DOCK2: variants seen among roughly 807,000 people sequenced by gnomAD.
DOCK2 encodes the protein dedicator of cytokinesis protein 2.
A neutral mutation model predicts 248.9 loss-of-function variants in DOCK2; 87 were observed. The observed-to-expected ratio is 0.35, with a 90% CI of 0.29 to 0.42. The LOEUF (loss-of-function observed/expected upper bound fraction) is 0.42. Ranked by LOEUF, DOCK2 falls within the 10% of genes least tolerant of loss-of-function variation. The pLI, the probability that DOCK2 is intolerant of heterozygous loss-of-function variation, is 1.00. For missense variants in DOCK2, 1,747 were observed against 2,300.2 expected (o/e 0.76, Z 4.92); for synonymous variants, 805 against 821.6 (o/e 0.98, Z 0.35).
chr5:169,821,587 G>A (rs1327050290), intron 26 of DOCK2, among the ~76,000 whole-genome samples: 1 of 152,084 alleles, frequency 6.6e-6, no homozygotes, highest in Admixed American at 6.6e-5. Context: ...TTTTGTCACT[G>A]CCAGGCCTGC....
At chr5:169,808,649 CT>C (rs1394339008) in intron 26 of DOCK2, among the ~76,000 whole-genome samples, 1 of 152,168 alleles carries the variant, frequency 6.6e-6, no homozygotes, top group East Asian at 1.9e-4. Flanking sequence ...CGGTTTCACA[CT>C]GCTTCGTTCT....
chr5:169,690,579 G>A (rs575023979), intron 9 of DOCK2, among the ~76,000 whole-genome samples: 1 of 152,326 alleles, frequency 6.6e-6, no homozygotes, highest in East Asian at 1.9e-4. Context: ...GGCATATATA[G>A]ATGTGCCTCC....
intron 21 of DOCK2, among the ~76,000 whole-genome samples, chr5:169,718,395 A>T (rs1762016385): frequency 1.3e-5 from 2 of 152,166 alleles, no homozygotes. Context: ...TTGTAGCCTG[A>T]TTGTGACTAG....
At chr5:169,755,497 C>A (rs879255835) in intron 23 of DOCK2, among the ~76,000 whole-genome samples, 3 of 152,102 alleles carry the variant, frequency 2.0e-5, no homozygotes, top group Non-Finnish European at 2.9e-5. Context: ...AATCCCAGCA[C>A]TTTGGGAGGC....
At chr5:170,006,657 G>A (rs186556805) in intron 30 of DOCK2, among the ~76,000 whole-genome samples, 1 of 152,298 alleles carries the variant, frequency 6.6e-6, no homozygotes, top group East Asian at 1.9e-4. Context: ...TGGGCCCTGG[G>A]TGATAAAGGT....
intron 27 of DOCK2, among the ~76,000 whole-genome samples, chr5:169,927,911 C>A (rs905644339): frequency 1.2e-4 from 19 of 152,156 alleles, no homozygotes; most frequent in Non-Finnish European, 2.5e-4. Flanking sequence ...ACACTGCTCC[C>A]GGCCCGAAAA....
At chr5:170,044,503 T>C (rs1756629841) in intron 38 of DOCK2, among the ~76,000 whole-genome samples, 1 of 152,130 alleles carries the variant, frequency 6.6e-6, no homozygotes. Context: ...GGAGAGCGTT[T>C]CTTTTCCCTG....
intron 27 of DOCK2, among the ~76,000 whole-genome samples, chr5:169,947,870 G>T (rs1048309316): frequency 6.6e-6 from 1 of 152,100 alleles, no homozygotes; most frequent in Admixed American, 6.5e-5. Context: ...TGCCTGCTGG[G>T]TGAGCATGAG....
chr5:170,017,332 GAGA>G (rs1755569366), intron 32 of DOCK2, among the ~76,000 whole-genome samples: 1 of 152,058 alleles, frequency 6.6e-6, no homozygotes. Flanking sequence ...AACTCACAAG[GAGA>G]AGGAGGTAGC....
chr5:169,957,533 G>A (rs1003049033), intron 27 of DOCK2, among the ~76,000 whole-genome samples: 1 of 152,198 alleles, frequency 6.6e-6, no homozygotes, highest in African/African-American at 2.4e-5. Context: ...GGTGTCAGGT[G>A]ACTGCTCCAG....
intron 25 of DOCK2, among the ~76,000 whole-genome samples, chr5:169,772,202 G>C (rs1042862168): frequency 1.3e-5 from 2 of 152,192 alleles, no homozygotes; most frequent in African/African-American, 4.8e-5. Flanking sequence ...TTAGGAAAAA[G>C]GAGTAGCCTC....
chr5:169,898,892 G>C (rs896080480), intron 27 of DOCK2, among the ~76,000 whole-genome samples: 4 of 152,160 alleles, frequency 2.6e-5, no homozygotes, highest in African/African-American at 9.6e-5. Context: ...GAACCAGATG[G>C]AAATGAGCAA....
chr5:169,937,480 T>A (rs1361448834), intron 27 of DOCK2, among the ~76,000 whole-genome samples: 1 of 152,208 alleles, frequency 6.6e-6, no homozygotes, highest in Non-Finnish European at 1.5e-5. Flanking sequence ...CGCTTATCTG[T>A]GCTTGGCACA....
At chr5:169,696,217 AG>A (rs1263719374) in intron 10 of DOCK2, among the ~76,000 whole-genome samples, 4 of 152,210 alleles carry the variant, frequency 2.6e-5, no homozygotes, top group Non-Finnish European at 4.4e-5. Flanking sequence ...TTTGCTCCCC[AG>A]CTCTGTGAAA....
chr5:170,034,646 A>G, intron 35 of DOCK2, 91 bp downstream of exon 35: 1 of 1,525,508 alleles, frequency 6.6e-7, no homozygotes, highest in Non-Finnish European at 8.8e-7. Flanking sequence ...TTCATAGGGA[A>G]GCAGTGCTTA....
intron 27 of DOCK2, among the ~76,000 whole-genome samples, chr5:169,927,551 G>T (rs969721887): frequency 6.6e-6 from 1 of 152,214 alleles, no homozygotes; most frequent in Non-Finnish European, 1.5e-5. Flanking sequence ...TAGGGTTAAA[G>T]AGGGAAAAGA....
Position 169,814,108 on chromosome 5 carries a change from G to A in DOCK2, c.2703+10902G>A, listed in dbSNP as rs373181068. Among the ~76,000 whole-genome samples, 143 of 152,320 alleles carry A rather than the reference G, an allele frequency of 9.4e-4. 1 individual carries two copies. Among genetic ancestry groups the A allele is most frequent in the African/African-American group, 3.2e-3 (133 of 41,558 alleles). On this transcript the variant is annotated intron_variant, in intron 26 of 51. Coordinates refer to ENST00000520908, the MANE Select transcript of DOCK2 (RefSeq NM_004946.3). ...CAGGATATTTGCATAATCTCAAAGT[G>A]TCTTCCCAAAGTATCCACTGATTAA... is the stretch of plus-strand genomic sequence containing the variant.
At chr5:169,685,628 A>T (rs1298930723) in intron 8 of DOCK2, among the ~76,000 whole-genome samples, 2 of 152,188 alleles carry the variant, frequency 1.3e-5, no homozygotes, top group African/African-American at 2.4e-5. Context: ...GCTTGTTGTT[A>T]TGATGATTAA....
chr5:169,845,039 T>C (rs751442456), intron 27 of DOCK2, among the ~76,000 whole-genome samples: 3 of 151,876 alleles, frequency 2.0e-5, no homozygotes, highest in East Asian at 1.9e-4. Flanking sequence ...CCTCTTCTGA[T>C]GTGATGTCTC....
Sources: gnomAD v4.1 joint callset for allele counts (sites outside exome capture counted in the v4.1 genomes callset) on GRCh38, gnomAD v4.1.1 for gene constraint, MANE v1.5 for transcripts, NCBI Gene and HGNC (gene_info 2026-07-23, HGNC 2026-07-21) for gene names.